Variants in BABAM2 observed in about 807,000 individuals in gnomAD.
BABAM2 encodes the protein BRISC and BRCA1 A complex member 2, also known as BRISC and BRCA1-A complex member 2.
A neutral mutation model predicts 54.7 loss-of-function variants in BABAM2; 31 were observed. The observed-to-expected ratio is 0.57, with a 90% CI of 0.43 to 0.77. BABAM2 has a LOEUF of 0.77. Ranked by LOEUF, BABAM2 falls within the 30% of genes least tolerant of loss-of-function variation. BABAM2 has a pLI of 0.00. For missense variants in BABAM2, 364 were observed against 455.8 expected, an observed-to-expected ratio of 0.80 and a Z score of 1.83; for synonymous variants, 167 against 162.9, an observed-to-expected ratio of 1.03 and a Z score of -0.19.
rs1265245068 is a variant in BABAM2 at position 28,026,823 on chromosome 2, TATATATATAA to T, written c.495+1422_495+1431del. On this transcript the variant is annotated intron_variant, in intron 5 of 11. Coordinates refer to ENST00000379624, the MANE Select transcript of BABAM2 (RefSeq NM_199191.3). The stretch of plus-strand genomic sequence containing the variant: ...TATAAAAAATATATAAATATATATT[TATATATATAA>T]ATATATATAAATATATATTTATATA... 9.6e-4 allele frequency among the ~76,000 whole-genome samples: 68 copies of T among 70,618 alleles called. 1 individual carries two copies. The highest frequency in any genetic ancestry group is 1.3e-3 in the Non-Finnish European group (52 of 41,320). 46.3% of individuals were successfully genotyped at this position (70,618 alleles called of 152,430 possible). A position where few individuals can be genotyped will look rare whatever the true frequency, so the allele number is the denominator to read the frequency against.
intron 10 of BABAM2, among the ~76,000 whole-genome samples, chr2:28,264,049 A>G (rs185589272): frequency 6.6e-6 from 1 of 152,236 alleles, no homozygotes; most frequent in African/African-American, 2.4e-5. Flanking sequence ...CCACCCATCA[A>G]TTTTTGCTCT....
chr2:27,931,680 A>G (rs1194744805), intron 3 of BABAM2, among the ~76,000 whole-genome samples: 1 of 152,190 alleles, frequency 6.6e-6, no homozygotes, highest in African/African-American at 2.4e-5. Context: ...AAGAATTCTT[A>G]GTAAGTACCT....
chr2:28,336,157 A>C (rs1327986305), intron 11 of BABAM2, among the ~76,000 whole-genome samples: 1 of 152,206 alleles, frequency 6.6e-6, no homozygotes, highest in Non-Finnish European at 1.5e-5. Context: ...CCTCATGTCC[A>C]GGGGAGAAGC....
chr2:28,033,787 T>A (rs559672232), intron 5 of BABAM2, among the ~76,000 whole-genome samples: 5 of 124,568 alleles, frequency 4.0e-5, no homozygotes, highest in Admixed American at 1.7e-4. Flanking sequence ...ATACCTAACA[T>A]TTTGATTAAA....
intron 6 of BABAM2, among the ~76,000 whole-genome samples, chr2:28,077,352 G>T (rs56133729): frequency 0.043 from 6,472 of 152,028 alleles, 159 homozygotes; most frequent in South Asian, 0.12. Flanking sequence ...TATTTTTATG[G>T]AGTCTGTAAG....
intron 6 of BABAM2, among the ~76,000 whole-genome samples, chr2:28,079,985 ATAT>A (rs1490768815): frequency 5.3e-5 from 8 of 152,166 alleles, no homozygotes; most frequent in African/African-American, 1.9e-4. Context: ...TACTGTAGAT[ATAT>A]TTCTGCAGGG....
intron 2 of BABAM2, among the ~76,000 whole-genome samples, chr2:27,926,911 C>A (rs1160108312): frequency 3.9e-5 from 6 of 152,090 alleles, no homozygotes; most frequent in Non-Finnish European, 8.8e-5. Flanking sequence ...AGCATATCCT[C>A]ATCTCAAACA....
At chr2:28,015,951 CT>C in intron 4 of BABAM2, 1 of 590,388 alleles carries the variant, frequency 1.7e-6, no homozygotes, top group Non-Finnish European at 3.1e-6. Context: ...ATATCTTTCT[CT>C]TTTTTCTGAG....
chr2:28,122,658 A>G (rs1001355077), intron 6 of BABAM2, among the ~76,000 whole-genome samples: 7 of 152,226 alleles, frequency 4.6e-5, no homozygotes, highest in African/African-American at 9.6e-5. Flanking sequence ...TATTGACACT[A>G]ATGTTCTCAA....
At chr2:27,944,110 T>G (rs1431809602) in intron 3 of BABAM2, among the ~76,000 whole-genome samples, 10 of 152,208 alleles carry the variant, frequency 6.6e-5, no homozygotes, top group Non-Finnish European at 1.3e-4. Context: ...ATATGATTAC[T>G]AAATTAACTT....
chr2:28,266,392 C>T (rs1684991464), intron 10 of BABAM2, among the ~76,000 whole-genome samples: 1 of 152,212 alleles, frequency 6.6e-6, no homozygotes, highest in Non-Finnish European at 1.5e-5. Context: ...TTCTTAACCT[C>T]CCCTCCATCT....
At chr2:28,099,154 A>G (rs892781946) in intron 6 of BABAM2, among the ~76,000 whole-genome samples, 7 of 152,204 alleles carry the variant, frequency 4.6e-5, no homozygotes, top group African/African-American at 1.7e-4. Context: ...TCTTACAGGG[A>G]AAGAATGCAG....
chr2:27,894,782 C>A, intron 2 of BABAM2, 98 bp downstream of exon 2: 2 of 1,402,610 alleles, frequency 1.4e-6, no homozygotes, highest in South Asian at 1.3e-5. Context: ...TTGACTGCCA[C>A]AGAAACCCAC....
intron 5 of BABAM2, among the ~76,000 whole-genome samples, chr2:28,045,338 G>A (rs903694707): frequency 2.0e-5 from 3 of 152,154 alleles, no homozygotes; most frequent in Non-Finnish European, 4.4e-5. Context: ...TATTAGTGAT[G>A]TGGTCTGAAT....
intron 6 of BABAM2, among the ~76,000 whole-genome samples, chr2:28,099,838 C>T (rs1315877015): frequency 6.6e-6 from 1 of 151,950 alleles, no homozygotes; most frequent in Non-Finnish European, 1.5e-5. Flanking sequence ...TGCTATTTCC[C>T]GATACCTCTC....
chr2:27,936,811 G>C (rs945553760), intron 3 of BABAM2, among the ~76,000 whole-genome samples: 1 of 152,086 alleles, frequency 6.6e-6, no homozygotes, highest in Non-Finnish European at 1.5e-5. Flanking sequence ...GGTAGGGGCA[G>C]GGGGGAGGGA....
intron 4 of BABAM2, among the ~76,000 whole-genome samples, chr2:28,010,110 A>G (rs1425520037): frequency 2.0e-5 from 3 of 152,126 alleles, no homozygotes; most frequent in African/African-American, 7.2e-5. Flanking sequence ...TTTAGTCTGG[A>G]ACAGTTGTTC....
At chr2:27,903,095 C>T (rs1047092823) in intron 2 of BABAM2, among the ~76,000 whole-genome samples, 3 of 149,374 alleles carry the variant, frequency 2.0e-5, no homozygotes, top group Admixed American at 6.7e-5. Flanking sequence ...TCTCCCCCAC[C>T]CCCCCCACCG....
At chr2:27,988,721 AGTT>A (rs1672573236) in intron 4 of BABAM2, among the ~76,000 whole-genome samples, 1 of 152,216 alleles carries the variant, frequency 6.6e-6, no homozygotes, top group African/African-American at 2.4e-5. Flanking sequence ...TTACTAAAAA[AGTT>A]GTGTGTTTTG....
Sources: gnomAD v4.1 joint callset for allele counts (sites outside exome capture counted in the v4.1 genomes callset) on GRCh38, gnomAD v4.1.1 for gene constraint, MANE v1.5 for transcripts, NCBI Gene and HGNC (gene_info 2026-07-23, HGNC 2026-07-21) for gene names.